Variants in NUP58 observed in about 807,000 individuals in gnomAD.
NUP58 encodes nucleoporin p58/p45.
NUP58 carries 17 observed loss-of-function variants against 70.1 expected under a neutral mutation model. The observed-to-expected ratio is 0.24, with a 90% CI of 0.17 to 0.36. The LOEUF (loss-of-function observed/expected upper bound fraction) is 0.36. NUP58 is among the 10% of genes least tolerant of loss of function. NUP58 has a pLI of 1.00. For missense variants in NUP58, 644 were observed against 701.5 expected (o/e 0.92, Z 0.93); for synonymous variants, 275 against 257.6 (o/e 1.07, Z -0.65).
rs544662552 is a variant in NUP58, at chr13:25,311,549, A to G, written c.287-1334A>G. 1.2e-4 allele frequency among the ~76,000 whole-genome samples: 18 copies of G among 151,440 alleles called. No homozygotes were observed. The South Asian group carries it at 3.8e-3, about 32-fold the overall frequency. On this transcript the variant is annotated intron_variant, in intron 3 of 15. Transcript: ENST00000381736. The stretch of plus-strand genomic sequence containing the variant: ...CGCCACCACGCCCAGCTAATTTTGT[A>G]TTTTTAGTAGAAACGGGGTTTCACC...
intron 3 of NUP58, among the ~76,000 whole-genome samples, chr13:25,348,628 A>C (rs1457713933): frequency 6.6e-6 from 1 of 152,236 alleles, no homozygotes; most frequent in African/African-American, 2.4e-5. Context: ...CTGTTAGACT[A>C]TGCTGCTGTA....
chr13:25,302,227 A>C (rs890934855), intron 1 of NUP58, among the ~76,000 whole-genome samples: 1 of 152,260 alleles, frequency 6.6e-6, no homozygotes, highest in East Asian at 1.9e-4. Flanking sequence ...TAGAATGAAC[A>C]TTGAATGAAT....
At chr13:25,312,149 C>T (rs923225816) in intron 3 of NUP58, among the ~76,000 whole-genome samples, 2 of 151,668 alleles carry the variant, frequency 1.3e-5, no homozygotes, top group African/African-American at 4.8e-5. Flanking sequence ...GGAAAGAGAG[C>T]TACAGAAAAA....
downstream of NUP58, among the ~76,000 whole-genome samples, chr13:25,343,154 T>C (rs1038528931): frequency 1.3e-5 from 2 of 152,000 alleles, no homozygotes; most frequent in African/African-American, 4.8e-5. Flanking sequence ...TTTGTAGCCT[T>C]TTATCCCTCA....
chr13:25,312,929 A>G lies in NUP58; in HGVS notation c.333A>G (p.Gly111=). ...TSAATTGFSL[G]FNKPAASATP... ...CAGCTACAACAGGCTTCAGTTTAGG[A>G]TTCAATAAACCTGCAGCATCTGCCA... The change falls in exon 4 of 16, where the codon GGA becomes GGG. Residue 111 remains glycine (G), a synonymous_variant. Transcript: ENST00000381736. 1.2e-6 allele frequency: 2 copies of G among 1,614,082 alleles called. No homozygotes were observed. The highest frequency in any genetic ancestry group is 1.6e-4 in the Middle Eastern group (1 of 6,062).
chr13:25,305,142 T>TG (rs1320913716), intron 1 of NUP58, among the ~76,000 whole-genome samples: 1,331 of 12,808 alleles, frequency 0.1, 27 homozygotes, highest in South Asian at 0.34. Context: ...TTTTTTTTTT[T>TG]TTTTTTTTTT....
Position 25,319,335 on chromosome 13 carries a change from C to T in NUP58, c.695C>T (p.Thr232Met), listed in dbSNP as rs1217623977. 5 of 1,612,376 alleles carry T rather than the reference C, an allele frequency of 3.1e-6. No individual in the cohort carries two copies. The highest frequency in any genetic ancestry group is 1.3e-5 in the African/African-American group (1 of 74,846). ...SSSSDKKSDK[T>M]GTRPEDSKAL... ...TTCTTGAATTTTCTAGGTGATAAAACGGGAACAAGACCAGAGTAAGTTTAC... is the reference window on the plus strand; with the variant it reads ...TTCTTGAATTTTCTAGGTGATAAAATGGGAACAAGACCAGAGTAAGTTTAC... Residue 232 changes from threonine (T) to methionine (M), a missense_variant, in exon 7 of 16, where the codon ACG becomes ATG. By Grantham distance (81) the Thr-to-Met change is moderately conservative. Transcript: ENST00000381736.
chr13:25,329,531 A>T (rs1257875953), intron 12 of NUP58, among the ~76,000 whole-genome samples: 7 of 152,228 alleles, frequency 4.6e-5, no homozygotes, highest in Non-Finnish European at 1.0e-4. Flanking sequence ...TAAGCAACCC[A>T]GGAACGAAAG....
At position 25,337,012 on chromosome 13, in the gene NUP58, C is replaced by T. The variant is rs1306108268; in HGVS notation, c.1512C>T (p.Gly504=). Residue 504 remains glycine, a synonymous_variant, in exon 14 of 16, where the codon GGC becomes GGT. Transcript: ENST00000381736. ...SGIGTGLQSS[G]LGSSNLGGFG... ...TTGGCACTGGCTTGCAATCAAGTGGCTTAGGTTCTTCAAACCTTGGAGGTA... is the reference window on the plus strand; with the variant it reads ...TTGGCACTGGCTTGCAATCAAGTGGTTTAGGTTCTTCAAACCTTGGAGGTA... 3 of 1,604,050 alleles carry T rather than the reference C, an allele frequency of 1.9e-6. No individual in the cohort carries two copies. The highest frequency in any genetic ancestry group is 4.5e-5 in the East Asian group (2 of 44,442).
chr13:25,302,767 T>C (rs1474098701), intron 1 of NUP58, among the ~76,000 whole-genome samples: 1 of 152,228 alleles, frequency 6.6e-6, no homozygotes, highest in Non-Finnish European at 1.5e-5. Context: ...TACTTAAGCA[T>C]GACCTGCAGT....
chr13:25,332,118 T>C (rs2137816070), intron 13 of NUP58: 4 of 990,572 alleles, frequency 4.0e-6, no homozygotes, highest in Non-Finnish European at 4.8e-6. Context: ...ATTTTGAAGA[T>C]GATACATGCT....
intron 3 of NUP58, among the ~76,000 whole-genome samples, chr13:25,348,099 C>A (rs1422630127): frequency 6.6e-6 from 1 of 152,046 alleles, no homozygotes; most frequent in Non-Finnish European, 1.5e-5. Flanking sequence ...GTGTGGTGGG[C>A]GTGATTGAGG....
chr13:25,315,360 T>C lies in NUP58; in HGVS notation c.578T>C (p.Leu193Pro), dbSNP rs1432346070. The stretch of plus-strand genomic sequence containing the variant: ...ATAAGTTATGTTTTATTTATAGGAC[T>C]TGGACAGAATGCTTTAGGGTTGACT... ...FQSTNTGTSG[L>P]GQNALGLTLG... Residue 193 changes from leucine (L) to proline (P), a missense_variant, in exon 6 of 16, where the codon CTT (leucine) becomes CCT (proline). Leu to Pro is a moderately conservative substitution (Grantham distance 98, BLOSUM62 -3). This residue lies in a region of NUP58 where 430 missense variants were observed against 409.2 expected (regional missense o/e 1.05). Coordinates refer to ENST00000381736, the MANE Select transcript of NUP58 (RefSeq NM_014089.4). The C allele has an allele frequency of 3.7e-6, 6 of 1,610,922 alleles. No individual in the cohort carries two copies. The highest frequency in any genetic ancestry group is 5.1e-6 in the Non-Finnish European group (6 of 1,177,376).
intron 14 of NUP58, 142 bp from the exon 15 acceptor site, chr13:25,338,494 G>T: frequency 1.8e-6 from 1 of 562,584 alleles, no homozygotes; most frequent in East Asian, 2.8e-5. Context: ...TCATGCAAAG[G>T]AGTAAGCAGA....
chr13:25,338,510 TTAA>T, intron 14 of NUP58, 123 bp from the exon 15 acceptor site: 1 of 612,742 alleles, frequency 1.6e-6, no homozygotes, highest in Non-Finnish European at 2.9e-6. Context: ...GCAGATTTCC[TTAA>T]TAAGGCCATG....
chr13:25,347,897 G>A (rs1041103234), intron 3 of NUP58, among the ~76,000 whole-genome samples: 3 of 151,674 alleles, frequency 2.0e-5, no homozygotes, highest in Admixed American at 6.6e-5. Context: ...TTCTGGTGTC[G>A]AGAATTTCTA....
intron 5 of NUP58, 96 bp downstream of exon 5, chr13:25,313,847 G>A (rs986675769): frequency 2.4e-5 from 23 of 967,168 alleles, no homozygotes; most frequent in Non-Finnish European, 3.2e-5. Flanking sequence ...TTTTTAATCT[G>A]CATATTTTCC....
intron 9 of NUP58, among the ~76,000 whole-genome samples, chr13:25,323,842 G>T (rs1256046958): frequency 1.3e-5 from 2 of 152,186 alleles, no homozygotes; most frequent in African/African-American, 4.8e-5. Context: ...TTATGTGCCA[G>T]GTGCTTCAGC....
Position 25,335,736 on chromosome 13 carries a change from A to G in NUP58, c.1436-1200A>G, listed in dbSNP as rs925775557. ...TTCTTTAAATGCTTTATAATTTTAC[A>G]CTACCTTTTTAATATACAAACCTCA... On this transcript the variant is annotated intron_variant, in intron 13 of 15. Coordinates refer to ENST00000381736, the MANE Select transcript of NUP58 (RefSeq NM_014089.4). 36 of 983,240 alleles carry G rather than the reference A, an allele frequency of 3.7e-5. No homozygotes were observed. In the Admixed American group the frequency reaches 4.9e-4, roughly 13 times the overall value. The allele number at this position is 983,240 out of a possible 1,614,324, so 60.9% of individuals were successfully genotyped here. A position where few individuals can be genotyped will look rare whatever the true frequency, so the allele number is the denominator to read the frequency against.
Sources: allele counts gnomAD v4.1 joint callset (sites outside exome capture counted in the v4.1 genomes callset), GRCh38; gene constraint gnomAD v4.1.1; regional missense constraint gnomAD v4.1.1; transcripts MANE v1.5; gene names NCBI Gene and HGNC (gene_info 2026-07-23, HGNC 2026-07-21).